Variants in ADK observed in about 807,000 individuals in gnomAD.
The protein encoded by ADK is N6,N6-dimethyladenosine kinase.
ADK carries 24 observed loss-of-function variants against 44.7 expected under a neutral mutation model. The observed-to-expected ratio is 0.54, with a 90% confidence interval of 0.39 to 0.76. ADK has a LOEUF of 0.76. Ranked by LOEUF, ADK falls within the 30% of genes least tolerant of loss-of-function variation. The probability of loss-of-function intolerance (pLI) is 0.00; values close to 1 mark genes in which losing one functional copy is unlikely to be tolerated. For synonymous variants in ADK, 128 were observed against 142.6 expected (o/e 0.90, Z 0.73); for missense variants, 321 against 425.1 (o/e 0.76, Z 2.15).
At chr10:74,202,608 A>G (rs542620877) in intron 2 of ADK, among the ~76,000 whole-genome samples, 35 of 152,314 alleles carry the variant, frequency 2.3e-4, no homozygotes, top group African/African-American at 8.2e-4. Context: ...CAGTTTCTCT[A>G]CGTCTTTGCC....
chr10:74,520,357 A>G (rs1848764935), intron 6 of ADK, among the ~76,000 whole-genome samples: 1 of 151,796 alleles, frequency 6.6e-6, no homozygotes, highest in Admixed American at 6.6e-5. Flanking sequence ...ACAGTTGATT[A>G]ATTATAGTCA....
chr10:74,314,614 T>G (rs1209959592), intron 3 of ADK, 53 bp from the exon 4 acceptor site: 1 of 1,217,150 alleles, frequency 8.2e-7, no homozygotes, highest in Non-Finnish European at 1.2e-6. Flanking sequence ...AAGTTTACTT[T>G]GTTGCAACTC....
At chr10:74,400,926 CTGAG>C (rs889630356) in intron 6 of ADK, among the ~76,000 whole-genome samples, 1 of 152,124 alleles carries the variant, frequency 6.6e-6, no homozygotes, top group African/African-American at 2.4e-5. Flanking sequence ...ATATAATTTA[CTGAG>C]TAAGTTCACA....
chr10:74,392,636 C>T (rs1325581779), intron 4 of ADK, among the ~76,000 whole-genome samples: 1 of 152,064 alleles, frequency 6.6e-6, no homozygotes, highest in East Asian at 1.9e-4. Flanking sequence ...AGAAGTTAAG[C>T]TTGATATAAT....
chr10:74,200,908 A>G, intron 2 of ADK, 70 bp downstream of exon 2: 1 of 1,076,568 alleles, frequency 9.3e-7, no homozygotes, highest in Non-Finnish European at 1.4e-6. Flanking sequence ...AAAACTTTAG[A>G]AGTGAATTTA....
chr10:74,560,041 T>C (rs1455979695), intron 7 of ADK, among the ~76,000 whole-genome samples: 4 of 152,072 alleles, frequency 2.6e-5, no homozygotes, highest in Non-Finnish European at 5.9e-5. Context: ...CACAGGCTCC[T>C]GAGTAGCTGG....
intron 2 of ADK, among the ~76,000 whole-genome samples, chr10:74,207,699 G>C (rs915901079): frequency 6.6e-6 from 1 of 152,180 alleles, no homozygotes; most frequent in African/African-American, 2.4e-5. Context: ...GTGCTGATTG[G>C]TCCATGGGCG....
At chr10:74,160,446 C>T (rs767297922) in intron 1 of ADK, among the ~76,000 whole-genome samples, 12 of 152,190 alleles carry the variant, frequency 7.9e-5, no homozygotes, top group Non-Finnish European at 1.3e-4. Context: ...GTACCTCTGC[C>T]GATGCTTTAC....
At chr10:74,543,785 C>T (rs149438115) in intron 7 of ADK, among the ~76,000 whole-genome samples, 2,514 of 152,140 alleles carry the variant, frequency 0.017, 41 homozygotes, top group Non-Finnish European at 0.029. Flanking sequence ...TTCATTTTAG[C>T]ACAGTAAAAG....
intron 3 of ADK, among the ~76,000 whole-genome samples, chr10:74,267,349 A>C (rs149838713): frequency 7.0e-4 from 107 of 152,316 alleles, no homozygotes; most frequent in Middle Eastern, 6.8e-3. Flanking sequence ...TGGGTTCAAC[A>C]GGGCCAACTG....
intron 1 of ADK, among the ~76,000 whole-genome samples, chr10:74,180,364 A>G (rs1207096137): frequency 6.7e-6 from 1 of 148,808 alleles, no homozygotes; most frequent in Non-Finnish European, 1.5e-5. Context: ...CAGCCTCCCG[A>G]GTAGCTGGGT....
intron 7 of ADK, among the ~76,000 whole-genome samples, chr10:74,584,244 A>G (rs1051431003): frequency 6.6e-5 from 10 of 152,228 alleles, no homozygotes; most frequent in Non-Finnish European, 1.5e-4. Context: ...TGAGATCTTA[A>G]CAAGAACTTG....
chr10:74,617,538 A>G (rs192219448), intron 9 of ADK, among the ~76,000 whole-genome samples: 32 of 152,304 alleles, frequency 2.1e-4, no homozygotes, highest in African/African-American at 7.5e-4. Context: ...TCTTGGAATA[A>G]TGCCAACATT....
chr10:74,568,594 A>G (rs1198400947), intron 7 of ADK, among the ~76,000 whole-genome samples: 2 of 152,048 alleles, frequency 1.3e-5, no homozygotes, highest in Non-Finnish European at 2.9e-5. Context: ...CTCCATAGAC[A>G]GAGCAGCCCT....
intron 9 of ADK, among the ~76,000 whole-genome samples, chr10:74,634,579 T>A (rs971744660): frequency 2.0e-5 from 3 of 152,116 alleles, no homozygotes; most frequent in Admixed American, 6.6e-5. Flanking sequence ...TTCAGTAATT[T>A]AAATATGACA....
At chr10:74,448,269 C>G (rs1845653376) in intron 6 of ADK, among the ~76,000 whole-genome samples, 1 of 151,926 alleles carries the variant, frequency 6.6e-6, no homozygotes, top group South Asian at 2.1e-4. Context: ...GCCGGGGCAA[C>G]CTAGTGAACA....
intron 1 of ADK, among the ~76,000 whole-genome samples, chr10:74,163,153 A>G (rs570286479): frequency 6.6e-6 from 1 of 151,664 alleles, no homozygotes; most frequent in African/African-American, 2.4e-5. Flanking sequence ...TTTTTAGTAG[A>G]GACGGGGTTT....
chr10:74,608,081 A>G (rs1306502754), intron 9 of ADK, among the ~76,000 whole-genome samples: 1 of 151,702 alleles, frequency 6.6e-6, no homozygotes, highest in African/African-American at 2.4e-5. Flanking sequence ...CAGCTCTATC[A>G]GGTCATTTAT....
At chr10:74,400,137 T>C (rs767493582) in intron 6 of ADK, among the ~76,000 whole-genome samples, 25 of 152,144 alleles carry the variant, frequency 1.6e-4, no homozygotes, top group Non-Finnish European at 3.2e-4. Flanking sequence ...CATAAAGTGA[T>C]CAGCTTTTGG....
Sources: allele counts gnomAD v4.1 joint callset (sites outside exome capture counted in the v4.1 genomes callset), GRCh38; gene constraint gnomAD v4.1.1; transcripts MANE v1.5; gene names NCBI Gene and HGNC (gene_info 2026-07-23, HGNC 2026-07-21).